STPG2: variants seen among roughly 807,000 people sequenced by gnomAD.
STPG2 encodes sperm tail PG-rich repeat containing 2.
A neutral mutation model predicts 54.2 loss-of-function variants in STPG2; 56 were observed. That is an observed-to-expected ratio of 1.03 (90% CI 0.83 to 1.29). The LOEUF (loss-of-function observed/expected upper bound fraction) is 1.29, where lower values mean the gene tolerates loss of function less well. Ranked by LOEUF, STPG2 falls within the 50% of genes most tolerant of loss-of-function variation. The pLI, the probability that STPG2 is intolerant of heterozygous loss-of-function variation, is 0.00. For missense variants in STPG2, 596 were observed against 544.9 expected, an observed-to-expected ratio of 1.09 and a Z score of -0.93; for synonymous variants, 200 against 181.8, an observed-to-expected ratio of 1.10 and a Z score of -0.81.
chr4:97,583,554 G>C (rs1732916764), intron 10 of STPG2, among the ~76,000 whole-genome samples: 1 of 37,956 alleles, frequency 2.6e-5, no homozygotes, highest in Admixed American at 2.4e-4. Flanking sequence ...AGTCAACTTA[G>C]AGTGTTATTA....
At chr4:97,872,324 AT>A (rs1470380639) in intron 8 of STPG2, among the ~76,000 whole-genome samples, 2 of 151,220 alleles carry the variant, frequency 1.3e-5, no homozygotes, top group Non-Finnish European at 3.0e-5. Context: ...AGGCTTAAAC[AT>A]TTTTAAAGAA....
intron 4 of STPG2, among the ~76,000 whole-genome samples, chr4:97,515,493 T>C (rs1328815140): frequency 1.3e-5 from 2 of 151,902 alleles, no homozygotes; most frequent in African/African-American, 2.4e-5. Context: ...AACTAGAAAA[T>C]AATCACACCA....
At chr4:98,068,669 A>G (rs1737905945) in intron 5 of STPG2, among the ~76,000 whole-genome samples, 1 of 151,580 alleles carries the variant, frequency 6.6e-6, no homozygotes, top group African/African-American at 2.4e-5. Flanking sequence ...GTGTAAGTAC[A>G]ATCATGAATC....
chr4:97,951,913 G>A (rs2149240653), intron 7 of STPG2, among the ~76,000 whole-genome samples: 1 of 152,230 alleles, frequency 6.6e-6, no homozygotes, highest in South Asian at 2.1e-4. Context: ...TGACAGAGCT[G>A]GCTGGAGGTT....
At chr4:97,637,340 T>A (rs1235255290) in intron 10 of STPG2, among the ~76,000 whole-genome samples, 1 of 152,142 alleles carries the variant, frequency 6.6e-6, no homozygotes, top group Admixed American at 6.5e-5. Context: ...ATGGGACATA[T>A]TTCAAAATAA....
At chr4:97,986,675 T>C (rs9995386) in intron 5 of STPG2, among the ~76,000 whole-genome samples, 59,324 of 152,070 alleles carry the variant, frequency 0.39, 11,704 homozygotes, top group Middle Eastern at 0.46. Flanking sequence ...AATAGATGGT[T>C]CTATTCAAAT....
chr4:97,780,001 T>G (rs980279830), intron 9 of STPG2, among the ~76,000 whole-genome samples: 3 of 150,008 alleles, frequency 2.0e-5, no homozygotes, highest in Non-Finnish European at 4.4e-5. Context: ...AGAACATCGA[T>G]GCTAGGAAGA....
chr4:98,085,106 T>G (rs1172053176), intron 5 of STPG2, among the ~76,000 whole-genome samples: 1 of 152,094 alleles, frequency 6.6e-6, no homozygotes, highest in Non-Finnish European at 1.5e-5. Context: ...TGAATTAATT[T>G]TTTTGTATGG....
rs561568665 is a variant in STPG2, at chr4:97,862,471, A to T, written c.1045-21539T>A. ...CAAGTCCTTAGAGACCTGCAAAGAG[A>T]CTTAGACTCCCACACATTAATAATA... On this transcript the variant is annotated intron_variant, in intron 8 of 10. Coordinates refer to ENST00000295268, the MANE Select transcript of STPG2 (RefSeq NM_174952.3). Among the ~76,000 whole-genome samples, 9 of 152,184 alleles carry T rather than the reference A, an allele frequency of 5.9e-5. 1 individual carries two copies. The South Asian group carries it at 1.7e-3, about 28-fold the overall frequency.
At chr4:97,781,096 G>A (rs987712569) in intron 9 of STPG2, among the ~76,000 whole-genome samples, 44 of 151,960 alleles carry the variant, frequency 2.9e-4, no homozygotes, top group Admixed American at 2.0e-3. Context: ...AAGAACTGAA[G>A]GAGATAGAGA....
chr4:97,473,722 G>C (rs1400629832), intron 4 of STPG2, among the ~76,000 whole-genome samples: 1 of 152,040 alleles, frequency 6.6e-6, no homozygotes, highest in Non-Finnish European at 1.5e-5. Context: ...ATAAAAACTT[G>C]CTGGTTTCAC....
chr4:98,109,394 T>G (rs1739281834), intron 3 of STPG2, 89 bp from the exon 4 acceptor site: 10 of 958,908 alleles, frequency 1.0e-5, no homozygotes, highest in Non-Finnish European at 1.6e-5. Context: ...AGTCTAAATC[T>G]AAAGCAAGGA....
intron 7 of STPG2, among the ~76,000 whole-genome samples, chr4:97,964,105 CCA>C (rs1031692153): frequency 3.7e-4 from 57 of 152,200 alleles, no homozygotes; most frequent in African/African-American, 1.3e-3. Context: ...AGGTGACCTG[CCA>C]CAGTTTCACA....
intron 10 of STPG2, among the ~76,000 whole-genome samples, chr4:97,589,139 GA>G (rs1733072986): frequency 6.6e-6 from 1 of 151,824 alleles, no homozygotes; most frequent in Non-Finnish European, 1.5e-5. Context: ...TCTCCAAGAG[GA>G]AAAATAAGGG....
Position 97,598,666 on chromosome 4 carries a change from C to T in STPG2, c.1321-39549G>A, listed in dbSNP as rs111893280. Among the ~76,000 whole-genome samples, 877 of 151,860 alleles carry T rather than the reference C, an allele frequency of 5.8e-3. 6 individuals are homozygous for T. The highest frequency in any genetic ancestry group is 0.024 in the Middle Eastern group (7 of 294). On this transcript the variant is annotated intron_variant, in intron 10 of 10. Transcript: ENST00000295268. The stretch of plus-strand genomic sequence containing the variant: ...TGAAGAAGTTGACAAAAACAAGCAA[C>T]GGGAAAATAATTCCCTATTCAATAA...
intron 5 of STPG2, among the ~76,000 whole-genome samples, chr4:98,008,211 A>G (rs2149280221): frequency 2.0e-5 from 3 of 152,252 alleles, no homozygotes; most frequent in Admixed American, 2.0e-4. Flanking sequence ...CTAGTCACAT[A>G]TGAAGGAAAG....
intron 4 of STPG2, among the ~76,000 whole-genome samples, chr4:97,544,978 C>T (rs1731802646): frequency 6.6e-6 from 1 of 151,998 alleles, no homozygotes; most frequent in African/African-American, 2.4e-5. Flanking sequence ...ACTGTAGCTT[C>T]CCAACGTGTG....
At chr4:97,969,456 C>A (rs1228956439) in intron 7 of STPG2, among the ~76,000 whole-genome samples, 2 of 152,128 alleles carry the variant, frequency 1.3e-5, no homozygotes, top group African/African-American at 2.4e-5. Flanking sequence ...GCTGGCATAT[C>A]CAGTGCATTG....
chr4:98,017,486 C>A (rs1735997093), intron 5 of STPG2, among the ~76,000 whole-genome samples: 1 of 152,190 alleles, frequency 6.6e-6, no homozygotes. Context: ...CCTTTCCCAA[C>A]ACATTTCTCT....
Sources: gnomAD v4.1 joint callset for allele counts (sites outside exome capture counted in the v4.1 genomes callset) on GRCh38, gnomAD v4.1.1 for gene constraint, MANE v1.5 for transcripts, NCBI Gene and HGNC (gene_info 2026-07-23, HGNC 2026-07-21) for gene names.